Variants in SH2D4A observed in about 807,000 individuals in gnomAD.
SH2D4A encodes the protein SH2 domain-containing protein 4A.
In SH2D4A, 70 loss-of-function variants were observed where a neutral mutation model predicts 64.7. The ratio of observed to expected loss-of-function variants is 1.08; its 90% confidence interval spans 0.89 to 1.32. SH2D4A has a LOEUF of 1.32. SH2D4A is among the 40% of genes most tolerant of loss of function. The probability of loss-of-function intolerance (pLI) is 0.00; values close to 1 mark genes in which losing one functional copy is unlikely to be tolerated. For synonymous variants in SH2D4A, 268 were observed against 200.7 expected (o/e 1.34, Z -2.83); for missense variants, 706 against 540.1 (o/e 1.31, Z -3.04).
intron 8 of SH2D4A, among the ~76,000 whole-genome samples, chr8:19,374,028 A>G (rs1266343072): frequency 1.3e-5 from 2 of 152,186 alleles, no homozygotes; most frequent in South Asian, 4.1e-4. Flanking sequence ...GGGTGTGGGA[A>G]TGTGCTGGAC....
chr8:19,386,289 C>G (rs2053390216), intron 8 of SH2D4A, among the ~76,000 whole-genome samples: 1 of 152,234 alleles, frequency 6.6e-6, no homozygotes, highest in African/African-American at 2.4e-5. Context: ...AAACTACACA[C>G]ATTAATTCGG....
At chr8:19,320,351 G>C (rs995546823) in intron 2 of SH2D4A, among the ~76,000 whole-genome samples, 1 of 152,064 alleles carries the variant, frequency 6.6e-6, no homozygotes, top group Non-Finnish European at 1.5e-5. Context: ...AGCAGACAAG[G>C]TGCAGTGGCT....
chr8:19,383,868 C>G (rs1383671222), intron 8 of SH2D4A, among the ~76,000 whole-genome samples: 1 of 151,898 alleles, frequency 6.6e-6, no homozygotes, highest in African/African-American at 2.4e-5. Context: ...ACTAGATTAC[C>G]TAGGTTTGAG....
chr8:19,351,303 A>G (rs748478053), intron 4 of SH2D4A, among the ~76,000 whole-genome samples: 1 of 152,194 alleles, frequency 6.6e-6, no homozygotes, highest in African/African-American at 2.4e-5. Flanking sequence ...TATCTTGATT[A>G]ATAGTGAAAC....
At chr8:19,324,987 G>A (rs1004290704) in intron 2 of SH2D4A, among the ~76,000 whole-genome samples, 1 of 152,094 alleles carries the variant, frequency 6.6e-6, no homozygotes, top group South Asian at 2.1e-4. Context: ...CCTCTCACCC[G>A]AGTGTTGGTT....
At chr8:19,348,403 A>G (rs1024596089) in intron 4 of SH2D4A, among the ~76,000 whole-genome samples, 1 of 152,022 alleles carries the variant, frequency 6.6e-6, no homozygotes, top group African/African-American at 2.4e-5. Context: ...TGTTATTGTA[A>G]CTCATAGTGT....
intron 7 of SH2D4A, among the ~76,000 whole-genome samples, chr8:19,372,142 C>T (rs1223386688): frequency 6.6e-6 from 1 of 152,174 alleles, no homozygotes; most frequent in Non-Finnish European, 1.5e-5. Flanking sequence ...TTCCACTCTC[C>T]ACAGCCTGGC....
chr8:19,371,278 GC>G (rs1347795624), intron 7 of SH2D4A, among the ~76,000 whole-genome samples: 1 of 152,058 alleles, frequency 6.6e-6, no homozygotes, highest in Non-Finnish European at 1.5e-5. Flanking sequence ...AATTCCCTCA[GC>G]TTTTGTTTGT....
In SH2D4A at chr8:19,394,198, G is replaced by A. The variant is rs181635889; in HGVS notation, c.1273-352G>A. Among the ~76,000 whole-genome samples the A allele has an allele frequency of 5.1e-4, 78 of 152,248 alleles. 2 individuals are homozygous for A. The East Asian group carries it at 7.7e-3, about 15-fold the overall frequency. On this transcript the variant is annotated intron_variant, in intron 9 of 9. Transcript: ENST00000265807. ...ATCTGACAGGAGGCAGAGCTCAGGC[G>A]ATAATGTGAATGACAGGGAGCAGAT...
At chr8:19,393,991 G>A (rs1169994684) in intron 9 of SH2D4A, among the ~76,000 whole-genome samples, 22 of 152,086 alleles carry the variant, frequency 1.4e-4, no homozygotes. Flanking sequence ...TCAACATAGT[G>A]TAGAATCAGT....
chr8:19,316,705 C>T (rs2052094539), intron 1 of SH2D4A, among the ~76,000 whole-genome samples: 1 of 152,214 alleles, frequency 6.6e-6, no homozygotes, highest in Admixed American at 6.5e-5. Context: ...GGCACCACAT[C>T]CTGCTGTTCT....
intron 4 of SH2D4A, among the ~76,000 whole-genome samples, chr8:19,342,984 C>G (rs998326345): frequency 1.3e-5 from 2 of 152,224 alleles, no homozygotes; most frequent in African/African-American, 4.8e-5. Flanking sequence ...TAGCACGCTG[C>G]TTCCGTCTCT....
rs114795108 is a variant in SH2D4A, at chr8:19,335,901, A to G, written c.513+1044A>G. ...ATTATTCTACCAGGAATTTAATTAC[A>G]CTGAGAATTAACAGGGATTTGCAGT... On this transcript the variant is annotated intron_variant, in intron 4 of 9. Coordinates refer to ENST00000265807, the MANE Select transcript of SH2D4A (RefSeq NM_022071.4). 6.8e-3 allele frequency among the ~76,000 whole-genome samples: 1,035 copies of G among 152,272 alleles called. 14 individuals are homozygous for G. Among genetic ancestry groups the G allele is most frequent in the African/African-American group, 0.024 (987 of 41,540 alleles).
chr8:19,314,050 C>G, intron 1 of SH2D4A: 2 of 1,039,492 alleles, frequency 1.9e-6, no homozygotes, highest in Non-Finnish European at 1.2e-6. Flanking sequence ...GTCCGGTGTC[C>G]GGTGTCCGGT....
At chr8:19,374,732 C>G (rs1662738555) in intron 8 of SH2D4A, among the ~76,000 whole-genome samples, 1 of 152,142 alleles carries the variant, frequency 6.6e-6, no homozygotes, top group Non-Finnish European at 1.5e-5. Context: ...GGAGTCCCCT[C>G]TCCTTCCCAG....
intron 1 of SH2D4A, among the ~76,000 whole-genome samples, chr8:19,317,645 A>G (rs952300737): frequency 6.6e-6 from 1 of 152,158 alleles, no homozygotes; most frequent in African/African-American, 2.4e-5. Flanking sequence ...TTTGCACGGA[A>G]GAGGAGGAAG....
chr8:19,314,340 G>A (rs1563179172), intron 1 of SH2D4A, among the ~76,000 whole-genome samples: 1 of 152,180 alleles, frequency 6.6e-6, no homozygotes, highest in Non-Finnish European at 1.5e-5. Flanking sequence ...GGTGGCAGCT[G>A]GCGCAGCACC....
chr8:19,327,731 G>T lies in SH2D4A; in HGVS notation c.182-5224G>T, dbSNP rs531498395. Among the ~76,000 whole-genome samples, 3 of 152,292 alleles carry T rather than the reference G, an allele frequency of 2.0e-5. No individual in the cohort carries two copies. The East Asian group carries it at 5.8e-4, about 29-fold the overall frequency. The stretch of plus-strand genomic sequence containing the variant: ...TGTCCCTTGGGTCTATGGAGCAGTG[G>T]TGGGAATGTAGCAGACACTCAGTAA... On this transcript the variant is annotated intron_variant, in intron 2 of 9. Transcript: ENST00000265807.
intron 2 of SH2D4A, among the ~76,000 whole-genome samples, chr8:19,321,573 T>G (rs1445924471): frequency 6.6e-6 from 1 of 152,236 alleles, no homozygotes; most frequent in Non-Finnish European, 1.5e-5. Context: ...GATGCCCAGT[T>G]CTGTTGGATT....
Sources: allele counts gnomAD v4.1 joint callset (sites outside exome capture counted in the v4.1 genomes callset), GRCh38; gene constraint gnomAD v4.1.1; transcripts MANE v1.5; gene names NCBI Gene and HGNC (gene_info 2026-07-23, HGNC 2026-07-21).